CDH13: variants seen among roughly 807,000 people sequenced by gnomAD.
The protein encoded by CDH13 is cadherin 13.
Under a neutral mutation model 63.8 loss-of-function variants are expected in CDH13, and 24 were observed. The observed-to-expected ratio is 0.38, with a 90% CI of 0.27 to 0.53. The LOEUF is 0.53. Ranked by LOEUF, CDH13 falls within the 20% of genes least tolerant of loss-of-function variation. CDH13 has a pLI of 0.85. For missense variants in CDH13, 1,049 were observed against 903.1 expected, an observed-to-expected ratio of 1.16 and a Z score of -2.07; for synonymous variants, 503 against 355.3, an observed-to-expected ratio of 1.42 and a Z score of -4.67.
intron 6 of CDH13, among the ~76,000 whole-genome samples, chr16:83,473,789 C>G (rs757349082): frequency 2.6e-5 from 4 of 152,120 alleles, no homozygotes; most frequent in Non-Finnish European, 5.9e-5. Context: ...CTGGGTTTGC[C>G]TCTCGTCTCA....
At chr16:83,583,567 T>C (rs1905840092) in intron 7 of CDH13, among the ~76,000 whole-genome samples, 1 of 152,142 alleles carries the variant, frequency 6.6e-6, no homozygotes, top group Admixed American at 6.5e-5. Flanking sequence ...CTCATAATAG[T>C]GATGGAGGGA....
At chr16:83,247,809 C>A (rs1028874438) in intron 5 of CDH13, among the ~76,000 whole-genome samples, 1 of 152,078 alleles carries the variant, frequency 6.6e-6, no homozygotes, top group African/African-American at 2.4e-5. Context: ...AACCAGAGAG[C>A]CTAAATGCAT....
chr16:83,062,797 C>G (rs2031675204), intron 3 of CDH13, among the ~76,000 whole-genome samples: 1 of 152,106 alleles, frequency 6.6e-6, no homozygotes, highest in African/African-American at 2.4e-5. Context: ...TCAACTGGGT[C>G]TTTCACATAG....
At chr16:83,741,528 G>T (rs1469715793) in intron 10 of CDH13, among the ~76,000 whole-genome samples, 1 of 151,612 alleles carries the variant, frequency 6.6e-6, no homozygotes, top group Non-Finnish European at 1.5e-5. Flanking sequence ...ATATATGTGT[G>T]TATATATATG....
intron 1 of CDH13, among the ~76,000 whole-genome samples, chr16:82,749,681 A>G (rs1297404667): frequency 6.6e-6 from 1 of 151,640 alleles, no homozygotes; most frequent in Non-Finnish European, 1.5e-5. Flanking sequence ...TTTTCCTTGA[A>G]CCTCCTTAAA....
chr16:83,123,554 C>T (rs999246960), intron 3 of CDH13, among the ~76,000 whole-genome samples: 7 of 152,220 alleles, frequency 4.6e-5, no homozygotes, highest in African/African-American at 1.7e-4. Context: ...GCTGGGATTA[C>T]AGGCGTGAGC....
intron 5 of CDH13, among the ~76,000 whole-genome samples, chr16:83,246,613 C>A (rs1024441437): frequency 6.6e-6 from 1 of 152,078 alleles, no homozygotes; most frequent in Non-Finnish European, 1.5e-5. Context: ...TGAAATATTT[C>A]TTCTTTGGTT....
chr16:83,583,231 C>T (rs1377298599), intron 7 of CDH13, among the ~76,000 whole-genome samples: 1 of 152,200 alleles, frequency 6.6e-6, no homozygotes, highest in Non-Finnish European at 1.5e-5. Context: ...AATCCAAAAT[C>T]ATCTCGTCTC....
At chr16:83,584,447 G>A (rs1828660915) in intron 7 of CDH13, among the ~76,000 whole-genome samples, 1 of 152,220 alleles carries the variant, frequency 6.6e-6, no homozygotes, top group African/African-American at 2.4e-5. Context: ...CAAGGGAACT[G>A]TGTCAAGAGC....
chr16:82,895,836 G>A (rs2041236729), intron 2 of CDH13, among the ~76,000 whole-genome samples: 1 of 152,168 alleles, frequency 6.6e-6, no homozygotes, highest in Non-Finnish European at 1.5e-5. Context: ...GGTCTCTCCA[G>A]TATCAACTTG....
chr16:82,751,308 T>C (rs2034404655), intron 1 of CDH13, among the ~76,000 whole-genome samples: 1 of 152,142 alleles, frequency 6.6e-6, no homozygotes, highest in South Asian at 2.1e-4. Flanking sequence ...AAATTCTTAA[T>C]AGATTTTTTT....
intron 13 of CDH13, among the ~76,000 whole-genome samples, chr16:83,793,472 C>G (rs1916405242): frequency 6.6e-6 from 1 of 152,162 alleles, no homozygotes; most frequent in African/African-American, 2.4e-5. Flanking sequence ...TGAACGCACA[C>G]TATGCTGATG....
chr16:82,676,447 T>A (rs1474503603), intron 1 of CDH13, among the ~76,000 whole-genome samples: 3 of 150,008 alleles, frequency 2.0e-5, no homozygotes, highest in Admixed American at 2.0e-4. Context: ...GTTCTCTCCC[T>A]CTCCATTGCC....
At chr16:83,043,129 A>G (rs1917469376) in intron 3 of CDH13, among the ~76,000 whole-genome samples, 1 of 152,238 alleles carries the variant, frequency 6.6e-6, no homozygotes, top group Non-Finnish European at 1.5e-5. Context: ...CTAAATTGTT[A>G]TGTTTATGTG....
intron 5 of CDH13, among the ~76,000 whole-genome samples, chr16:83,273,961 C>T (rs894749994): frequency 1.2e-4 from 19 of 152,132 alleles, no homozygotes; most frequent in African/African-American, 3.1e-4. Context: ...CTATCATAGG[C>T]GGCAGTGCAG....
chr16:82,831,062 G>A (rs925424446), intron 1 of CDH13, among the ~76,000 whole-genome samples: 10 of 151,982 alleles, frequency 6.6e-5, no homozygotes, highest in Admixed American at 1.3e-4. Flanking sequence ...TTCCCAATGC[G>A]TGGTCCATGG....
chr16:82,885,656 C>T (rs1161408346), intron 2 of CDH13, among the ~76,000 whole-genome samples: 2 of 152,044 alleles, frequency 1.3e-5, no homozygotes, highest in East Asian at 1.9e-4. Flanking sequence ...TCCATTCATC[C>T]TGGGAAGAAA....
intron 1 of CDH13, among the ~76,000 whole-genome samples, chr16:82,850,606 T>G (rs1354702555): frequency 6.6e-6 from 1 of 152,286 alleles, no homozygotes; most frequent in East Asian, 1.9e-4. Context: ...GAAAAAAAAG[T>G]TCTCCTGTGG....
chr16:83,068,970 T>G (rs930564768), intron 3 of CDH13, among the ~76,000 whole-genome samples: 4 of 152,208 alleles, frequency 2.6e-5, no homozygotes, highest in African/African-American at 4.8e-5. Flanking sequence ...AGGTTTGCTG[T>G]TGAGGCAAAA....
Sources: allele counts gnomAD v4.1 joint callset (sites outside exome capture counted in the v4.1 genomes callset), GRCh38; gene constraint gnomAD v4.1.1; transcripts MANE v1.5; gene names NCBI Gene and HGNC (gene_info 2026-07-23, HGNC 2026-07-21).